GLG1: variants seen among roughly 807,000 people sequenced by gnomAD.
The protein encoded by GLG1 is Golgi apparatus protein 1.
A neutral mutation model predicts 160.5 loss-of-function variants in GLG1; 38 were observed. The observed-to-expected ratio is 0.24, with a 90% CI of 0.18 to 0.31. GLG1 has a LOEUF of 0.31. Among genes scored for constraint, GLG1 ranks in the 10% least tolerant of loss-of-function variants. GLG1 has a pLI of 1.00. For synonymous variants in GLG1, 644 were observed against 543.4 expected (o/e 1.19, Z -2.57); for missense variants, 1,373 against 1,505.2 (o/e 0.91, Z 1.45).
At chr16:74,516,236 G>A (rs1235416191) in intron 2 of GLG1, among the ~76,000 whole-genome samples, 4 of 151,666 alleles carry the variant, frequency 2.6e-5, no homozygotes, top group East Asian at 3.9e-4. Flanking sequence ...CTCCACCCCA[G>A]ATCAACAGAA....
At chr16:74,553,077 G>A (rs907820715) in intron 1 of GLG1, among the ~76,000 whole-genome samples, 23 of 152,062 alleles carry the variant, frequency 1.5e-4, no homozygotes, top group Admixed American at 8.5e-4. Flanking sequence ...AAAATTAGTC[G>A]GGTGTGGCGG....
intron 1 of GLG1, among the ~76,000 whole-genome samples, chr16:74,586,007 G>A (rs1204314856): frequency 6.9e-5 from 10 of 145,738 alleles, no homozygotes; most frequent in Non-Finnish European, 1.5e-4. Context: ...AGGCTGTAGT[G>A]AGCCGAGATC....
At chr16:74,555,872 C>T (rs1470203828) in intron 1 of GLG1, among the ~76,000 whole-genome samples, 4 of 149,232 alleles carry the variant, frequency 2.7e-5, no homozygotes, top group Admixed American at 2.0e-4. Context: ...CTTGGTCTCG[C>T]TGTATCACCC....
chr16:74,563,923 A>G (rs1178932032), intron 1 of GLG1, among the ~76,000 whole-genome samples: 1 of 152,030 alleles, frequency 6.6e-6, no homozygotes, highest in Admixed American at 6.6e-5. Context: ...AGTTGCTGAC[A>G]CTTTTATTTT....
chr16:74,537,531 G>A lies in GLG1; in HGVS notation c.439-5378C>T, dbSNP rs1317207032. Among the ~76,000 whole-genome samples the A allele has an allele frequency of 7.0e-5, 10 of 143,842 alleles. No homozygotes were observed. In the East Asian group the frequency reaches 2.0e-3, roughly 29 times the overall value. The allele number at this position is 143,842 out of a possible 152,430, so 94.4% of individuals were successfully genotyped here. On this transcript the variant is annotated intron_variant, in intron 1 of 25. Coordinates refer to ENST00000422840, the MANE Select transcript of GLG1 (RefSeq NM_001145667.2). ...ATCCATGAACAGGCTTTGGGAGTCT[G>A]AGATATCCTGAAATTGAACGCAAGC...
intron 1 of GLG1, among the ~76,000 whole-genome samples, chr16:74,605,565 C>A (rs1958547143): frequency 6.6e-6 from 1 of 152,120 alleles, no homozygotes; most frequent in Non-Finnish European, 1.5e-5. Flanking sequence ...TTTCTAGGGG[C>A]TCTGGAAACT....
chr16:74,497,038 G>A (rs184373662), intron 4 of GLG1, among the ~76,000 whole-genome samples: 2 of 152,186 alleles, frequency 1.3e-5, no homozygotes, highest in African/African-American at 4.8e-5. Flanking sequence ...CAGCACTTTG[G>A]AAGGCCGAGG....
chr16:74,603,743 C>T lies in GLG1; in HGVS notation c.438+2914G>A, dbSNP rs552327245. 5.6e-4 allele frequency among the ~76,000 whole-genome samples: 85 copies of T among 152,190 alleles called. No homozygotes were observed. In the South Asian group the frequency reaches 9.1e-3, roughly 16 times the overall value. On this transcript the variant is annotated intron_variant, in intron 1 of 25. Transcript: ENST00000422840. ...GCCTTCCTTATCACATACTAAGCAACAGTATCTTCTCTTTCTTTGGTATTA... is the reference window on the plus strand; with the variant it reads ...GCCTTCCTTATCACATACTAAGCAATAGTATCTTCTCTTTCTTTGGTATTA...
intron 1 of GLG1, among the ~76,000 whole-genome samples, chr16:74,574,914 GAC>G (rs2018948219): frequency 2.4e-5 from 1 of 40,924 alleles, no homozygotes; most frequent in Non-Finnish European, 4.6e-5. Flanking sequence ...AAAAAAAAAA[GAC>G]AGAGAGAGAG....
At chr16:74,563,993 G>A (rs1350270214) in intron 1 of GLG1, among the ~76,000 whole-genome samples, 1 of 152,118 alleles carries the variant, frequency 6.6e-6, no homozygotes, top group Non-Finnish European at 1.5e-5. Context: ...GCTCAATCAT[G>A]ACTCATTTAG....
chr16:74,512,587 T>C lies in GLG1; in HGVS notation c.472-3662A>G, dbSNP rs369962637. On this transcript the variant is annotated intron_variant, in intron 2 of 25. Transcript: ENST00000422840. ...CCTCAAATCTTAAGACATCCATCCA[T>C]GAATCTATCTGTTCATCCATCCCAA... is the stretch of plus-strand genomic sequence containing the variant. 1.5e-3 allele frequency among the ~76,000 whole-genome samples: 221 copies of C among 151,762 alleles called. 1 individual carries two copies. In the Middle Eastern group the frequency reaches 0.048, roughly 33 times the overall value.
chr16:74,553,469 GTTTTT>G (rs537408696), intron 1 of GLG1, among the ~76,000 whole-genome samples: 97 of 106,084 alleles, frequency 9.1e-4, no homozygotes, highest in Non-Finnish European at 1.4e-3. Context: ...TTTTGTTTCG[GTTTTT>G]TTTTTTTTTT....
chr16:74,607,056 CAA>C lies in GLG1; in HGVS notation c.37_38del (p.Leu13ValfsTer115). 1.3e-6 allele frequency: 2 copies of C among 1,587,176 alleles called. No individual in the cohort carries two copies. The highest frequency in any genetic ancestry group is 2.3e-5 in the South Asian group (2 of 88,290). On this transcript the variant is annotated frameshift_variant, in exon 1 of 26. Transcript: ENST00000422840. LOFTEE classifies it high-confidence loss of function. Reference sequence around the variant, plus strand: ...GCAGCAGCAGATGCAGCGCCGCCGACAAGCGGAACATCCTCCGTACACGTCCA... The same window carrying C: ...GCAGCAGCAGATGCAGCGCCGCCGACGCGGAACATCCTCCGTACACGTCCA... ...ACGRVRRMFRLSAALHLLLLF... is the reference protein window; with the variant it reads ...ACGRVRRMFRXSAALHLLLLF...
At chr16:74,453,629 C>G (rs150780237) in intron 25 of GLG1, among the ~76,000 whole-genome samples, 76 of 152,274 alleles carry the variant, frequency 5.0e-4, no homozygotes, top group African/African-American at 1.7e-3. Flanking sequence ...GTGTCGGGCC[C>G]TGGACGAAGG....
intron 4 of GLG1, among the ~76,000 whole-genome samples, chr16:74,496,951 A>G (rs1330367099): frequency 3.9e-5 from 6 of 152,140 alleles, no homozygotes. Flanking sequence ...AAGAACCTGA[A>G]TTTTTAAAAA....
chr16:74,524,839 C>T (rs2017285954), intron 2 of GLG1, among the ~76,000 whole-genome samples: 1 of 152,136 alleles, frequency 6.6e-6, no homozygotes, highest in Non-Finnish European at 1.5e-5. Context: ...CCAAAAGAAA[C>T]TCTGTATCTA....
intron 13 of GLG1, among the ~76,000 whole-genome samples, chr16:74,473,860 T>C (rs1409372214): frequency 6.6e-6 from 1 of 152,116 alleles, no homozygotes; most frequent in Non-Finnish European, 1.5e-5. Context: ...CACACAAACA[T>C]TACCAAATGA....
At chr16:74,494,046 G>A (rs1214994532) in intron 6 of GLG1, among the ~76,000 whole-genome samples, 2 of 151,890 alleles carry the variant, frequency 1.3e-5, no homozygotes, top group Non-Finnish European at 2.9e-5. Flanking sequence ...GTGTTGTCAG[G>A]TGCCTGTAGT....
intron 19 of GLG1, among the ~76,000 whole-genome samples, chr16:74,465,438 G>A (rs1008703569): frequency 6.6e-6 from 1 of 152,134 alleles, no homozygotes; most frequent in African/African-American, 2.4e-5. Context: ...ACTTGAGCCT[G>A]CATCAGAACC....
Sources: allele counts gnomAD v4.1 joint callset (sites outside exome capture counted in the v4.1 genomes callset), GRCh38; gene constraint gnomAD v4.1.1; transcripts MANE v1.5; gene names NCBI Gene and HGNC (gene_info 2026-07-23, HGNC 2026-07-21).